The following BEAN1 variants were observed in gnomAD, a reference collection of about 807,000 sequenced individuals.
BEAN1 encodes the protein protein BEAN1.
BEAN1 carries 17 observed loss-of-function variants against 17.7 expected under a neutral mutation model. The observed-to-expected ratio is 0.96, with a 90% confidence interval of 0.66 to 1.44. The LOEUF is 1.44. BEAN1 is among the 40% of genes most tolerant of loss of function. BEAN1 has a pLI of 0.00. For synonymous variants in BEAN1, 142 were observed against 151.8 expected, an observed-to-expected ratio of 0.94 and a Z score of 0.47; for missense variants, 359 against 374.1, an observed-to-expected ratio of 0.96 and a Z score of 0.33.
chr16:66,452,787 CACTT>C (rs137997454), intron 2 of BEAN1, among the ~76,000 whole-genome samples: 3,564 of 152,262 alleles, frequency 0.023, 63 homozygotes, highest in South Asian at 0.046. Context: ...GTGGCAGACT[CACTT>C]ACCCCAATGC....
chr16:66,453,007 G>A (rs897641816), intron 2 of BEAN1, among the ~76,000 whole-genome samples: 1 of 152,010 alleles, frequency 6.6e-6, no homozygotes, highest in African/African-American at 2.4e-5. Flanking sequence ...CAGATTACTA[G>A]CACCTACCTC....
At chr16:66,490,377 A>C (rs1273694197) in intron 4 of BEAN1, among the ~76,000 whole-genome samples, 1 of 144,334 alleles carries the variant, frequency 6.9e-6, no homozygotes, top group Non-Finnish European at 1.5e-5. Context: ...AGCCTGGGCA[A>C]CAAAACAAGA....
At position 66,482,187 on chromosome 16, in the gene BEAN1, G is replaced by C. The variant is rs1475847595; in HGVS notation, c.*1262G>C. ...GTGATTCCTGAAGACCCAGCCCACA[G>C]AGGGTGGCAGCCAAGCATCTCTGAG... On this transcript the variant is annotated 3_prime_UTR_variant, in exon 5 of 5. Coordinates refer to ENST00000536005, the MANE Select transcript of BEAN1 (RefSeq NM_001178020.3). The C allele has an allele frequency of 6.6e-6, 1 of 152,326 alleles. No individual in the cohort carries two copies. The highest frequency in any genetic ancestry group is 1.5e-5 in the Non-Finnish European group (1 of 68,142). The allele number at this position is 152,326 out of a possible 1,614,324, so 9.4% of individuals were successfully genotyped here. A position where few individuals can be genotyped will look rare whatever the true frequency, so the allele number is the denominator to read the frequency against.
chr16:66,467,781 C>T (rs575494741), intron 2 of BEAN1, among the ~76,000 whole-genome samples: 27 of 152,336 alleles, frequency 1.8e-4, no homozygotes, highest in African/African-American at 5.3e-4. Context: ...AGGCTTGGCT[C>T]TCAAGAGTGA....
intron 3 of BEAN1, among the ~76,000 whole-genome samples, chr16:66,472,456 C>G (rs760676142): frequency 1.3e-5 from 2 of 152,256 alleles, no homozygotes; most frequent in Non-Finnish European, 2.9e-5. Context: ...GTAATCCTAG[C>G]ACTTTGGGAG....
intron 3 of BEAN1, among the ~76,000 whole-genome samples, chr16:66,475,328 G>A (rs1487885055): frequency 1.3e-5 from 2 of 152,062 alleles, no homozygotes; most frequent in Non-Finnish European, 2.9e-5. Context: ...GCTCCCCTCT[G>A]GGAAGTCCAA....
rs1300493594 is a variant in BEAN1 at position 66,469,665 on chromosome 16, AT to A, written c.90del (p.Leu31CysfsTer13). 1.9e-5 allele frequency: 29 copies of A among 1,535,794 alleles called. No homozygotes were observed. Among genetic ancestry groups the A allele is most frequent in the Non-Finnish European group, 2.3e-5 (26 of 1,146,728 alleles). ...PTFSESSEHS[H>X]LLVSPVLVAS... ...TTCTCAGAGAGCTCGGAGCACAGCC[AT>A]CTGCTCGTGTCCCCCGTGCTGGTGG... is the stretch of plus-strand genomic sequence containing the variant. On this transcript the variant is annotated frameshift_variant, in exon 3 of 5. Coordinates refer to ENST00000536005, the MANE Select transcript of BEAN1 (RefSeq NM_001178020.3). LOFTEE classifies it high-confidence loss of function.
At chr16:66,452,316 A>G (rs916308378) in intron 2 of BEAN1, among the ~76,000 whole-genome samples, 2 of 152,194 alleles carry the variant, frequency 1.3e-5, no homozygotes, top group African/African-American at 2.4e-5. Context: ...ATACACTGCT[A>G]CCCTGATGCT....
chr16:66,480,638 G>A lies in BEAN1; in HGVS notation c.493G>A (p.Ala165Thr). 3.2e-6 allele frequency: 5 copies of A among 1,550,990 alleles called. No homozygotes were observed. In the South Asian group the frequency reaches 4.8e-5, roughly 15 times the overall value. Reference sequence around the variant, plus strand: ...CACTCAGCTGTATGTCCCCACGGACGCACCACCACCCTACTCGCTGACTGA... The same window carrying A: ...CACTCAGCTGTATGTCCCCACGGACACACCACCACCCTACTCGCTGACTGA... ...GATQLYVPTDAPPPYSLTDSC... is the reference protein window; with the variant it reads ...GATQLYVPTDTPPPYSLTDSC... The change falls in exon 5 of 5, where the codon GCA (alanine) becomes ACA (threonine). Residue 165 changes from alanine to threonine, a missense_variant. Coordinates refer to ENST00000536005, the MANE Select transcript of BEAN1 (RefSeq NM_001178020.3).
chr16:66,439,989 G>A (rs1313350009), intron 2 of BEAN1, among the ~76,000 whole-genome samples: 5 of 152,110 alleles, frequency 3.3e-5, no homozygotes, highest in Admixed American at 3.3e-4. Flanking sequence ...TCCCCTTCCA[G>A]CACCCACAAT....
chr16:66,449,424 A>G (rs1449544198), intron 2 of BEAN1, among the ~76,000 whole-genome samples: 1 of 152,104 alleles, frequency 6.6e-6, no homozygotes, highest in Non-Finnish European at 1.5e-5. Flanking sequence ...CCTGGCTAAC[A>G]TGGAGAAACC....
chr16:66,493,776 G>C (rs955630773), downstream of BEAN1, among the ~76,000 whole-genome samples: 4 of 152,214 alleles, frequency 2.6e-5, no homozygotes, highest in African/African-American at 9.6e-5. Context: ...GAGCTGGCCA[G>C]CCCCAGAATA....
chr16:66,483,089 G>A (rs543759477), downstream of BEAN1: 3 of 339,304 alleles, frequency 8.8e-6, no homozygotes, highest in Non-Finnish European at 1.7e-5. Flanking sequence ...TGAAACTCCT[G>A]GTCTCAAGCG....
chr16:66,484,439 G>T (rs200169479), downstream of BEAN1: 53 of 374,376 alleles, frequency 1.4e-4, 1 homozygote, highest in East Asian at 3.8e-3. The surrounding 1 kb of genome is among the most constrained non-coding windows in gnomAD (Gnocchi z 4.2). Context: ...CTATGCTGTG[G>T]TGTGTCACAT....
At chr16:66,457,551 C>T (rs1962919221) in intron 2 of BEAN1, among the ~76,000 whole-genome samples, 1 of 152,156 alleles carries the variant, frequency 6.6e-6, no homozygotes, top group African/African-American at 2.4e-5. Context: ...CCCCATGATC[C>T]AAATGTTCAG....
intron 2 of BEAN1, among the ~76,000 whole-genome samples, chr16:66,445,475 CAAAAAAAAAAAAAAAAAAAAAAA>C (rs61540693): frequency 2.0e-3 from 97 of 49,324 alleles, no homozygotes; most frequent in African/African-American, 7.2e-3. Context: ...GACTCCGTCT[CAAAAAAAAAAAAAAAAAAAAAAA>C]AAAAAAAAAA....
Position 66,434,908 on chromosome 16 carries a change from C to T in BEAN1, c.-82-2687C>T, listed in dbSNP as rs1398564484. On this transcript the variant is annotated intron_variant, in intron 1 of 4. Transcript: ENST00000536005. The surrounding 1 kb of genome is among the most constrained non-coding windows in gnomAD (Gnocchi z 4.3). ...CCAACCCTGAGCTAGTTTGCAGAGGCCACACTGACCCTCCATGCCCTCGAG... is the reference window on the plus strand; with the variant it reads ...CCAACCCTGAGCTAGTTTGCAGAGGTCACACTGACCCTCCATGCCCTCGAG... Among the ~76,000 whole-genome samples, 1 of 152,048 alleles carries T rather than the reference C, an allele frequency of 6.6e-6. No homozygotes were observed. The highest frequency in any genetic ancestry group is 1.5e-5 in the Non-Finnish European group (1 of 68,018).
chr16:66,474,704 G>GAA (rs916149702), intron 3 of BEAN1, among the ~76,000 whole-genome samples: 3 of 143,372 alleles, frequency 2.1e-5, no homozygotes, highest in Non-Finnish European at 4.6e-5. Flanking sequence ...AGAAGAGAGA[G>GAA]AAAAAAAGGA....
At chr16:66,438,806 C>CG (rs939275112) in intron 2 of BEAN1, among the ~76,000 whole-genome samples, 4 of 152,004 alleles carry the variant, frequency 2.6e-5, no homozygotes, top group African/African-American at 7.3e-5. Context: ...TTCCCTGAGC[C>CG]CCCCCCAAAC....
Sources: allele counts gnomAD v4.1 joint callset (sites outside exome capture counted in the v4.1 genomes callset), GRCh38; gene constraint gnomAD v4.1.1; non-coding constraint Gnocchi (gnomAD v3.1); transcripts MANE v1.5; gene names NCBI Gene and HGNC (gene_info 2026-07-23, HGNC 2026-07-21).